Variants in CHN2 observed in about 807,000 individuals in gnomAD.
CHN2 encodes chimerin 2.
A neutral mutation model predicts 56.3 loss-of-function variants in CHN2; 35 were observed. The observed-to-expected ratio is 0.62, with a 90% CI of 0.47 to 0.82. The LOEUF is 0.82. Among genes scored for constraint, CHN2 ranks in the 40% least tolerant of loss-of-function variants. The pLI, the probability that CHN2 is intolerant of heterozygous loss-of-function variation, is 0.00. For synonymous variants in CHN2, 210 were observed against 212.8 expected (o/e 0.99, Z 0.12); for missense variants, 491 against 580.5 (o/e 0.85, Z 1.58).
At chr7:29,368,053 G>GTCT (rs755436891) in intron 3 of CHN2, 66 bp downstream of exon 3, 39 of 1,349,112 alleles carry the variant, frequency 2.9e-5, no homozygotes, top group Non-Finnish European at 3.9e-5. Flanking sequence ...TATGTAGAGA[G>GTCT]TGGAGGGATT....
rs1187724895 is a variant in CHN2 at position 29,435,747 on chromosome 7, G to T, written c.576+34919G>T. 1.6e-4 allele frequency among the ~76,000 whole-genome samples: 24 copies of T among 152,124 alleles called. 1 individual carries two copies. ...CCTCCAGGTAACTCTGATACAGGCTGTAGGTTAAGAACCACCAGTCTAGGA... is the reference window on the plus strand; with the variant it reads ...CCTCCAGGTAACTCTGATACAGGCTTTAGGTTAAGAACCACCAGTCTAGGA... On this transcript the variant is annotated intron_variant, in intron 6 of 12. Transcript: ENST00000222792.
intron 9 of CHN2, among the ~76,000 whole-genome samples, chr7:29,502,335 C>A (rs1053147501): frequency 6.6e-6 from 1 of 152,144 alleles, no homozygotes; most frequent in African/African-American, 2.4e-5. Flanking sequence ...CCTGCGTGCA[C>A]AATCACAGTT....
intron 6 of CHN2, among the ~76,000 whole-genome samples, chr7:29,451,421 C>T (rs1266252054): frequency 6.6e-6 from 1 of 151,890 alleles, no homozygotes; most frequent in Non-Finnish European, 1.5e-5. Context: ...CAGTCCATGG[C>T]GAAATGGGTA....
chr7:29,237,834 C>G (rs1787317692), intron 1 of CHN2, among the ~76,000 whole-genome samples: 1 of 152,092 alleles, frequency 6.6e-6, no homozygotes, highest in Non-Finnish European at 1.5e-5. Flanking sequence ...AGCTCTCGCA[C>G]ATGAAAAATT....
intron 1 of CHN2, among the ~76,000 whole-genome samples, chr7:29,263,975 G>T (rs954035063): frequency 1.6e-5 from 2 of 121,980 alleles, no homozygotes; most frequent in African/African-American, 8.1e-5. Flanking sequence ...GGAGGTGGGG[G>T]GGCAGCCCCC....
At position 29,292,938 on chromosome 7, in the gene CHN2, C is replaced by T. The variant is rs968764436; in HGVS notation, c.50-61687C>T. The T allele has an allele frequency of 8.8e-6, 4 of 456,234 alleles. No homozygotes were observed. The East Asian group carries it at 2.1e-4, about 24-fold the overall frequency. The allele number at this position is 456,234 out of a possible 1,614,324, so 28.3% of individuals were successfully genotyped here. A position where few individuals can be genotyped will look rare whatever the true frequency, so the allele number is the denominator to read the frequency against. On this transcript the variant is annotated intron_variant, in intron 1 of 12. Coordinates refer to ENST00000222792, the MANE Select transcript of CHN2 (RefSeq NM_004067.4). ...GCCTCTCTTCAGTCTATTCTGAACC[C>T]AGAAGCCCGAGAGAGCTTCCAAAAT...
chr7:29,225,311 A>G (rs1319421732), intron 1 of CHN2, among the ~76,000 whole-genome samples: 2 of 152,204 alleles, frequency 1.3e-5, no homozygotes, highest in Non-Finnish European at 2.9e-5. Flanking sequence ...ATTAGCCTGG[A>G]AAGATTTGTT....
At chr7:29,182,787 A>G (rs1798220781) in intron 2 of CHN2, among the ~76,000 whole-genome samples, 1 of 152,214 alleles carries the variant, frequency 6.6e-6, no homozygotes, top group Non-Finnish European at 1.5e-5. Context: ...GTAGGCTTAT[A>G]GGAAATTAAA....
At chr7:29,359,748 A>AT (rs1242687793) in intron 2 of CHN2, among the ~76,000 whole-genome samples, 1 of 152,268 alleles carries the variant, frequency 6.6e-6, no homozygotes, top group Non-Finnish European at 1.5e-5. Flanking sequence ...CTTAAAAATA[A>AT]TAATAAAGCT....
intron 2 of CHN2, among the ~76,000 whole-genome samples, chr7:29,186,202 A>T (rs739931): frequency 0.022 from 3,323 of 152,178 alleles, 248 homozygotes; most frequent in East Asian, 0.15. Context: ...CAGGAGTACA[A>T]GTCCTATGAG....
intron 1 of CHN2, among the ~76,000 whole-genome samples, chr7:29,225,588 C>T (rs1358458419): frequency 6.6e-6 from 1 of 152,168 alleles, no homozygotes; most frequent in African/African-American, 2.4e-5. Flanking sequence ...TTGTATAGGA[C>T]ATTAGTGCTG....
intron 1 of CHN2, among the ~76,000 whole-genome samples, chr7:29,302,244 GCTT>G (rs201108062): frequency 0.015 from 2,217 of 150,224 alleles, 53 homozygotes; most frequent in African/African-American, 0.051. Context: ...AGCTACTTCT[GCTT>G]CTTCTGCTGC....
At chr7:29,412,150 A>G (rs1585305519) in intron 6 of CHN2, among the ~76,000 whole-genome samples, 1 of 152,238 alleles carries the variant, frequency 6.6e-6, no homozygotes, top group East Asian at 1.9e-4. Flanking sequence ...GTTTACTGAA[A>G]TGGGTAGGAA....
At chr7:29,317,726 T>C (rs1266360933) in intron 1 of CHN2, among the ~76,000 whole-genome samples, 2 of 152,102 alleles carry the variant, frequency 1.3e-5, no homozygotes, top group Admixed American at 1.3e-4. Context: ...GAACATATAA[T>C]TGAAGTGGGA....
At chr7:29,178,113 A>G (rs1797596526) in intron 2 of CHN2, among the ~76,000 whole-genome samples, 1 of 152,174 alleles carries the variant, frequency 6.6e-6, no homozygotes, top group Non-Finnish European at 1.5e-5. Context: ...GTGTCTTGCC[A>G]TCTCCACTGC....
chr7:29,354,750 A>T, intron 2 of CHN2, 87 bp downstream of exon 2: 1 of 1,194,176 alleles, frequency 8.4e-7, no homozygotes, highest in East Asian at 2.3e-5. Context: ...AGTGCACACA[A>T]GCGTTCCCAC....
intron 6 of CHN2, among the ~76,000 whole-genome samples, chr7:29,439,043 A>G (rs1004926504): frequency 6.6e-6 from 1 of 152,220 alleles, no homozygotes; most frequent in Admixed American, 6.5e-5. Flanking sequence ...CATTTGCCTC[A>G]TTAACCTATT....
intron 1 of CHN2, among the ~76,000 whole-genome samples, chr7:29,249,298 T>G (rs1788309030): frequency 6.6e-6 from 1 of 151,976 alleles, no homozygotes; most frequent in Admixed American, 6.6e-5. Flanking sequence ...AGTTCCGGAG[T>G]CCAAAAGCCA....
At chr7:29,372,219 A>G (rs1396174745) in intron 3 of CHN2, among the ~76,000 whole-genome samples, 2 of 151,804 alleles carry the variant, frequency 1.3e-5, no homozygotes, top group Non-Finnish European at 2.9e-5. Context: ...AAAAAAAGAA[A>G]GAAAGAAAAA....
Sources: allele counts gnomAD v4.1 joint callset (sites outside exome capture counted in the v4.1 genomes callset), GRCh38; gene constraint gnomAD v4.1.1; transcripts MANE v1.5; gene names NCBI Gene and HGNC (gene_info 2026-07-23, HGNC 2026-07-21).